Variants in LSAMP observed in about 807,000 individuals in gnomAD.
LSAMP encodes the protein limbic system-associated membrane protein.
A neutral mutation model predicts 38.6 loss-of-function variants in LSAMP; 7 were observed. The ratio of observed to expected loss-of-function variants is 0.18; its 90% CI spans 0.10 to 0.34. LSAMP has a LOEUF of 0.34. Among genes scored for constraint, LSAMP ranks in the 10% least tolerant of loss-of-function variants. The probability of loss-of-function intolerance (pLI) is 1.00; values close to 1 mark genes in which losing one functional copy is unlikely to be tolerated. For missense variants in LSAMP, 313 were observed against 420.0 expected (o/e 0.75, Z 2.23); for synonymous variants, 154 against 166.8 (o/e 0.92, Z 0.59).
chr3:115,987,673 G>A (rs1939549693), intron 3 of LSAMP, among the ~76,000 whole-genome samples: 1 of 152,114 alleles, frequency 6.6e-6, no homozygotes, highest in African/African-American at 2.4e-5. Flanking sequence ...TGTATAGAAT[G>A]GTTTATGATG....
intron 1 of LSAMP, among the ~76,000 whole-genome samples, chr3:116,347,411 A>G (rs924450930): frequency 6.6e-6 from 1 of 152,180 alleles, no homozygotes; most frequent in Non-Finnish European, 1.5e-5. Context: ...GTCTCATTTA[A>G]CATGGTCAGG....
Position 116,109,391 on chromosome 3 carries a change from A to C in LSAMP, c.156-22835T>G, listed in dbSNP as rs1200619587. On this transcript the variant is annotated intron_variant, in intron 1 of 6. Transcript: ENST00000490035. ...GAGGGGAGAGGTCAGATAGGTCTGT[A>C]GAAAAGGAAGATTAGAAAGACTCAG... is the stretch of plus-strand genomic sequence containing the variant. 4.6e-5 allele frequency among the ~76,000 whole-genome samples: 7 copies of C among 152,236 alleles called. No homozygotes were observed. The East Asian group carries it at 1.4e-3, about 29-fold the overall frequency.
At chr3:116,342,564 T>G (rs2048010864) in intron 1 of LSAMP, among the ~76,000 whole-genome samples, 1 of 152,088 alleles carries the variant, frequency 6.6e-6, no homozygotes, top group Admixed American at 6.6e-5. Flanking sequence ...GGATCATCCC[T>G]GTGACCTTCA....
intron 1 of LSAMP, among the ~76,000 whole-genome samples, chr3:116,098,080 A>G (rs1708262939): frequency 6.6e-6 from 1 of 152,156 alleles, no homozygotes; most frequent in Non-Finnish European, 1.5e-5. Flanking sequence ...CAAATGTGAA[A>G]TAGGGGACTC....
intron 2 of LSAMP, among the ~76,000 whole-genome samples, chr3:116,083,412 A>G (rs1361751980): frequency 5.9e-5 from 9 of 152,194 alleles, no homozygotes; most frequent in African/African-American, 4.8e-5. Context: ...TATATTTTTC[A>G]TATGACAAAA....
chr3:116,183,288 G>T (rs1037940226), intron 1 of LSAMP, among the ~76,000 whole-genome samples: 2 of 151,864 alleles, frequency 1.3e-5, no homozygotes. Context: ...AAGTACCAGA[G>T]AAATTCAATT....
intron 3 of LSAMP, among the ~76,000 whole-genome samples, chr3:115,854,279 ATTAT>A (rs1276044616): frequency 0.028 from 3,197 of 116,192 alleles, 29 homozygotes; most frequent in Non-Finnish European, 0.038. Flanking sequence ...TATTATTATT[ATTAT>A]TTTTTTTTTT....
intron 1 of LSAMP, among the ~76,000 whole-genome samples, chr3:116,207,090 G>T (rs1161913848): frequency 1.3e-5 from 2 of 152,098 alleles, no homozygotes; most frequent in Non-Finnish European, 2.9e-5. Context: ...GGGTGCTACT[G>T]TATTGGGTGC....
intron 1 of LSAMP, among the ~76,000 whole-genome samples, chr3:116,255,126 CCCT>C (rs2046733211): frequency 6.6e-6 from 1 of 152,038 alleles, no homozygotes; most frequent in African/African-American, 2.4e-5. Flanking sequence ...GTAGACAAGG[CCCT>C]CCTCTTCTTG....
chr3:116,042,727 C>A (rs1941202724), intron 2 of LSAMP, among the ~76,000 whole-genome samples: 1 of 151,986 alleles, frequency 6.6e-6, no homozygotes, highest in African/African-American at 2.4e-5. Flanking sequence ...CGTGCCTGGC[C>A]TAATGAGCAG....
At chr3:116,035,253 T>C (rs1314328969) in intron 2 of LSAMP, among the ~76,000 whole-genome samples, 1 of 152,198 alleles carries the variant, frequency 6.6e-6, no homozygotes, top group Non-Finnish European at 1.5e-5. Context: ...AAATTTTATA[T>C]GCTACTGCTA....
intron 1 of LSAMP, among the ~76,000 whole-genome samples, chr3:116,314,489 C>T (rs1026382643): frequency 2.0e-5 from 3 of 152,062 alleles, no homozygotes; most frequent in South Asian, 4.1e-4. Context: ...AAGAAAATGG[C>T]GTGAGATCTC....
intron 3 of LSAMP, among the ~76,000 whole-genome samples, chr3:115,955,970 A>T (rs1938441278): frequency 6.6e-6 from 1 of 152,192 alleles, no homozygotes; most frequent in Non-Finnish European, 1.5e-5. Flanking sequence ...GAGTTTTTAT[A>T]GAAAATTCAA....
At chr3:115,821,294 T>C (rs1934229365) in intron 6 of LSAMP, among the ~76,000 whole-genome samples, 1 of 152,348 alleles carries the variant, frequency 6.6e-6, no homozygotes, top group South Asian at 2.1e-4. Flanking sequence ...CATTTTGCTT[T>C]CTTTGAGTTA....
intron 3 of LSAMP, among the ~76,000 whole-genome samples, chr3:115,961,497 A>T (rs74955555): frequency 0.018 from 2,783 of 152,302 alleles, 81 homozygotes; most frequent in African/African-American, 0.062. Flanking sequence ...CTTGAAGCAT[A>T]TTCACAGTGT....
At chr3:115,976,260 C>A (rs1458246727) in intron 3 of LSAMP, among the ~76,000 whole-genome samples, 2 of 152,112 alleles carry the variant, frequency 1.3e-5, no homozygotes, top group African/African-American at 2.4e-5. Flanking sequence ...AAAATATTTC[C>A]ATTTTTTCCA....
At chr3:116,433,678 T>G (rs913878853) in intron 1 of LSAMP, among the ~76,000 whole-genome samples, 5 of 152,148 alleles carry the variant, frequency 3.3e-5, no homozygotes, top group African/African-American at 1.2e-4. Flanking sequence ...TCGGTGGAGA[T>G]GAATATACCT....
At chr3:116,041,796 CAA>C (rs148805855) in intron 2 of LSAMP, among the ~76,000 whole-genome samples, 1 of 57,080 alleles carries the variant, frequency 1.8e-5, no homozygotes, top group African/African-American at 4.5e-5. Context: ...TGAAAGCATG[CAA>C]AAAAAAACAA....
chr3:115,881,998 A>G (rs1219139611), intron 3 of LSAMP, among the ~76,000 whole-genome samples: 2 of 152,142 alleles, frequency 1.3e-5, no homozygotes, highest in South Asian at 2.1e-4. Flanking sequence ...CCTGCTCCCA[A>G]GTGATTAATG....
Sources: gnomAD v4.1 joint callset for allele counts (sites outside exome capture counted in the v4.1 genomes callset) on GRCh38, gnomAD v4.1.1 for gene constraint, MANE v1.5 for transcripts, NCBI Gene and HGNC (gene_info 2026-07-23, HGNC 2026-07-21) for gene names.